Variants in NANP observed in about 807,000 individuals in gnomAD.
The protein encoded by NANP is N-acylneuraminate-9-phosphatase.
Under a neutral mutation model 16.9 loss-of-function variants are expected in NANP, and 15 were observed. The ratio of observed to expected loss-of-function variants is 0.89; its 90% confidence interval spans 0.59 to 1.37. The LOEUF (loss-of-function observed/expected upper bound fraction) is 1.37, where lower values mean the gene tolerates loss of function less well. Among genes scored for constraint, NANP ranks in the 40% most tolerant of loss-of-function variants. The pLI, the probability that NANP is intolerant of heterozygous loss-of-function variation, is 0.00. For synonymous variants in NANP, 135 were observed against 112.6 expected (o/e 1.20, Z -1.26); for missense variants, 290 against 303.5 (o/e 0.96, Z 0.33).
rs758394305 is a variant in NANP, at chr20:25,616,307, C to T, written c.365G>A (p.Arg122Gln). 1.9e-5 allele frequency: 31 copies of T among 1,614,150 alleles called. No homozygotes were observed. Among genetic ancestry groups the T allele is most frequent in the South Asian group, 3.3e-5 (3 of 91,076 alleles). ...TAATAGAAGTAGGCGGACCTCCTTT[C>T]GAAGTTCAGTAAGCATGGCTTTGAC... ...EDVKAMLTELRKEVRLLLLTN... is the reference protein window; with the variant it reads ...EDVKAMLTELQKEVRLLLLTN... Residue 122 changes from arginine to glutamine, a missense_variant, in exon 2 of 2, where the codon CGA (arginine) becomes CAA (glutamine). Transcript: ENST00000304788.
At chr20:25,616,853 A>C (rs993109595) in intron 1 of NANP, among the ~76,000 whole-genome samples, 2 of 152,200 alleles carry the variant, frequency 1.3e-5, no homozygotes, top group Non-Finnish European at 2.9e-5. Context: ...TTTAGAGTCC[A>C]ACATCTTTCA....
chr20:25,622,417 G>C (rs1441834268), intron 1 of NANP, among the ~76,000 whole-genome samples: 4 of 152,240 alleles, frequency 2.6e-5, no homozygotes, highest in African/African-American at 9.6e-5. Flanking sequence ...ATAAGGCTCC[G>C]AGTGGTTAAT....
In NANP at chr20:25,616,044, T is replaced by C; in HGVS notation, c.628A>G (p.Asn210Asp). ...NAGLKATVWI[N>D]KNGIVPLKSS... ...TTCAGTGGCACTATTCCATTTTTAT[T>C]GATCCAGACTGTTGCTTTCAATCCT... Residue 210 changes from asparagine to aspartate, a missense_variant, in exon 2 of 2, where the codon AAT becomes GAT. By Grantham distance (23) the Asn-to-Asp change is conservative. Transcript: ENST00000304788. 6.2e-7 allele frequency: 1 copy of C among 1,614,218 alleles called. No individual in the cohort carries two copies. The highest frequency in any genetic ancestry group is 8.5e-7 in the Non-Finnish European group (1 of 1,180,036).
In NANP at chr20:25,623,976, C is replaced by A. The variant is rs372003300; in HGVS notation, c.-28G>T. ...CGCCGGCCGCTGGCGCGAACCGTAG[C>A]CTTGCCACCGCCGCCTGCGCATGCG... On this transcript the variant is annotated 5_prime_UTR_variant, in exon 1 of 2. Transcript: ENST00000304788. 5 of 1,606,696 alleles carry A rather than the reference C, an allele frequency of 3.1e-6. No individual in the cohort carries two copies. The African/African-American group carries it at 4.0e-5, about 13-fold the overall frequency.
At chr20:25,617,861 C>T (rs1300087332) in intron 1 of NANP, among the ~76,000 whole-genome samples, 1 of 152,164 alleles carries the variant, frequency 6.6e-6, no homozygotes, top group Non-Finnish European at 1.5e-5. Context: ...TCCTGCGTTC[C>T]CAAGGCTCTT....
intron 1 of NANP, among the ~76,000 whole-genome samples, chr20:25,622,720 T>C (rs552897191): frequency 1.1e-4 from 16 of 152,336 alleles, no homozygotes; most frequent in African/African-American, 3.1e-4. Flanking sequence ...TGTCTACTGA[T>C]TCCGGCATTT....
chr20:25,619,048 C>T (rs1352454364), intron 1 of NANP, among the ~76,000 whole-genome samples: 1 of 151,974 alleles, frequency 6.6e-6, no homozygotes, highest in Non-Finnish European at 1.5e-5. Flanking sequence ...AAAAACTCAA[C>T]TCACCTACTG....
intron 1 of NANP, among the ~76,000 whole-genome samples, chr20:25,622,586 T>C (rs906334274): frequency 3.9e-5 from 6 of 152,138 alleles, no homozygotes; most frequent in East Asian, 1.9e-4. Context: ...CACAGGTAAA[T>C]ATGTAACATC....
chr20:25,617,812 C>T (rs747311184), intron 1 of NANP, among the ~76,000 whole-genome samples: 2 of 152,164 alleles, frequency 1.3e-5, no homozygotes, highest in African/African-American at 4.8e-5. Context: ...CCACTGCGCC[C>T]GGCCCCAATT....
At chr20:25,617,232 GAC>G (rs1165499391) in intron 1 of NANP, among the ~76,000 whole-genome samples, 1 of 151,586 alleles carries the variant, frequency 6.6e-6, no homozygotes, top group Non-Finnish European at 1.5e-5. Context: ...TTTTTTTTGA[GAC>G]ACAGTCTCAT....
intron 1 of NANP, 52 bp from the exon 2 acceptor site, chr20:25,616,633 T>C: frequency 1.4e-6 from 2 of 1,404,142 alleles, no homozygotes; most frequent in Non-Finnish European, 1.9e-6. Flanking sequence ...TTAGTAGTCA[T>C]GCCCTAGGAA....
intron 1 of NANP, among the ~76,000 whole-genome samples, chr20:25,617,639 C>T (rs1162073626): frequency 6.6e-6 from 1 of 152,172 alleles, no homozygotes. Flanking sequence ...GCTTCAGCCT[C>T]CCGCGTAGGT....
intron 1 of NANP, among the ~76,000 whole-genome samples, chr20:25,620,823 CT>C (rs571444441): frequency 0.037 from 5,429 of 147,060 alleles, 118 homozygotes; most frequent in Non-Finnish European, 0.043. Context: ...AGAGGCCCCC[CT>C]TTTTTTTTTT....
chr20:25,622,109 A>C (rs2065366793), intron 1 of NANP, among the ~76,000 whole-genome samples: 1 of 152,208 alleles, frequency 6.6e-6, no homozygotes. Context: ...CACTACTATA[A>C]GTGAGGGTGT....
At position 25,616,225 on chromosome 20, in the gene NANP, G is replaced by A; in HGVS notation, c.447C>T (p.Ser149=). The A allele has an allele frequency of 1.2e-6, 2 of 1,614,126 alleles. No individual in the cohort carries two copies. The highest frequency in any genetic ancestry group is 1.7e-6 in the Non-Finnish European group (2 of 1,180,042). ...CACCTACAACAACAGCGTCAAAATAGGACTGACAGGCACAAGCCTCAATCT... is the reference window on the plus strand; with the variant it reads ...CACCTACAACAACAGCGTCAAAATAAGACTGACAGGCACAAGCCTCAATCT... ...REKIEACACQ[S]YFDAVVVGGE... Residue 149 remains serine (S), a synonymous_variant, in exon 2 of 2, where the codon TCC becomes TCT. Coordinates refer to ENST00000304788, the MANE Select transcript of NANP (RefSeq NM_152667.3).
rs1449377947 is a variant in NANP, at chr20:25,623,967, G to T, written c.-19C>A. The T allele has an allele frequency of 6.8e-6, 11 of 1,610,096 alleles. No individual in the cohort carries two copies. The highest frequency in any genetic ancestry group is 5.0e-5 in the Admixed American group (3 of 59,658). On this transcript the variant is annotated 5_prime_UTR_variant, in exon 1 of 2. The change creates a premature stop within an existing upstream ORF in the 5' untranslated region. Transcript: ENST00000304788. Reference sequence around the variant, plus strand: ...GCCCCATAGCGCCGGCCGCTGGCGCGAACCGTAGCCTTGCCACCGCCGCCT... The same window carrying T: ...GCCCCATAGCGCCGGCCGCTGGCGCTAACCGTAGCCTTGCCACCGCCGCCT...
Position 25,614,335 on chromosome 20 carries a change from G to C in NANP, c.*1590C>G, listed in dbSNP as rs905878530. 6.6e-6 allele frequency: 1 copy of C among 152,340 alleles called. No homozygotes were observed. The highest frequency in any genetic ancestry group is 2.4e-5 in the African/African-American group (1 of 41,414). The allele number at this position is 152,340 out of a possible 1,614,324, so 9.4% of individuals were successfully genotyped here. ...TTAGTAGTTTCTTATATAACAGTTG[G>C]AAGAAAAACATATCAAAAACCAACC... On this transcript the variant is annotated 3_prime_UTR_variant, in exon 2 of 2. Transcript: ENST00000304788.
Position 25,615,935 on chromosome 20 carries a change from A to C in NANP, c.737T>G (p.Met246Arg). 4 of 1,610,716 alleles carry C rather than the reference A, an allele frequency of 2.5e-6. No individual in the cohort carries two copies. The highest frequency in any genetic ancestry group is 2.5e-6 in the Non-Finnish European group (3 of 1,178,128). The change falls in exon 2 of 2, where the codon ATG (methionine) becomes AGG (arginine). Residue 246 changes from methionine to arginine, a missense_variant. By Grantham distance (91) the Met-to-Arg change is moderately conservative. Coordinates refer to ENST00000304788, the MANE Select transcript of NANP (RefSeq NM_152667.3). Reference protein sequence around the residue: ...LLQSIDCKVSMST With the variant: ...LLQSIDCKVSRST ...GCCCTTTTATGTGCTTTAAGTGGAC[A>C]TACTGACTTTGCAGTCTATACTTTG...
rs1031040950 is a variant in NANP, at chr20:25,623,980, G to A, written c.-32C>T. 6 of 1,602,960 alleles carry A rather than the reference G, an allele frequency of 3.7e-6. No homozygotes were observed. The highest frequency in any genetic ancestry group is 2.6e-6 in the Non-Finnish European group (3 of 1,174,292). ...GGCCGCTGGCGCGAACCGTAGCCTT[G>A]CCACCGCCGCCTGCGCATGCGCAAG... is the stretch of plus-strand genomic sequence containing the variant. On this transcript the variant is annotated 5_prime_UTR_variant, in exon 1 of 2. An upstream open reading frame in the 5' UTR gains an earlier in-frame stop. Coordinates refer to ENST00000304788, the MANE Select transcript of NANP (RefSeq NM_152667.3).
Sources: gnomAD v4.1 joint callset for allele counts (sites outside exome capture counted in the v4.1 genomes callset) on GRCh38, gnomAD v4.1.1 for gene constraint, MANE v1.5 for transcripts, NCBI Gene and HGNC (gene_info 2026-07-23, HGNC 2026-07-21) for gene names.